Variants in NISCH observed in about 807,000 individuals in gnomAD.
NISCH encodes the protein nischarin.
Under a neutral mutation model 138.4 loss-of-function variants are expected in NISCH, and 55 were observed. The observed-to-expected ratio is 0.40, with a 90% CI of 0.32 to 0.50. The LOEUF is 0.50. Among genes scored for constraint, NISCH ranks in the 20% least tolerant of loss-of-function variants. The pLI, the probability that NISCH is intolerant of heterozygous loss-of-function variation, is 0.71. For missense variants in NISCH, 1,643 were observed against 2,005.5 expected, an observed-to-expected ratio of 0.82 and a Z score of 3.45; for synonymous variants, 860 against 861.5, an observed-to-expected ratio of 1.00 and a Z score of 0.03.
chr3:52,481,563 CTG>C (rs1177739834), intron 13 of NISCH: 2 of 985,406 alleles, frequency 2.0e-6, no homozygotes, highest in African/African-American at 1.7e-5. Flanking sequence ...TACCATATGA[CTG>C]TAGGCCTCTG....
At chr3:52,468,330 T>A (rs1298572940) in intron 3 of NISCH, among the ~76,000 whole-genome samples, 2 of 152,196 alleles carry the variant, frequency 1.3e-5, no homozygotes, top group Non-Finnish European at 2.9e-5. Context: ...TCTCCTGAGA[T>A]AACTGTAAGA....
At chr3:52,481,141 G>GTTAT in intron 13 of NISCH, 1 of 1,249,578 alleles carries the variant, frequency 8.0e-7, no homozygotes, top group Non-Finnish European at 1.0e-6. Context: ...TTCTCTTAGA[G>GTTAT]GGATAAGATA....
chr3:52,469,217 G>A (rs952401479), intron 3 of NISCH, among the ~76,000 whole-genome samples: 1 of 152,064 alleles, frequency 6.6e-6, no homozygotes, highest in Admixed American at 6.6e-5. Flanking sequence ...AGCTGTTTAC[G>A]AAAAGGCCTG....
chr3:52,475,398 TC>T, intron 7 of NISCH, among the ~76,000 whole-genome samples: 1 of 152,162 alleles, frequency 6.6e-6, no homozygotes, highest in Non-Finnish European at 1.5e-5. Context: ...TTTGTGCTAC[TC>T]CCCTTATCTT....
In NISCH at chr3:52,491,976, G is replaced by T; in HGVS notation, c.4009G>T (p.Ala1337Ser). The stretch of plus-strand genomic sequence containing the variant: ...GACGTTCACTGTGGCCCAAAAGATG[G>T]CTGAGCCAGAGAAGGCCCCAGCCCT... Reference protein sequence around the residue: ...DLTFTVAQKMAEPEKAPALSI... With the variant: ...DLTFTVAQKMSEPEKAPALSI... The change falls in exon 21 of 21, where the codon GCT becomes TCT. Residue 1337 changes from alanine (A) to serine (S), a missense_variant. By Grantham distance (99) the Ala-to-Ser change is moderately conservative (BLOSUM62 1). Coordinates refer to ENST00000345716, the MANE Select transcript of NISCH (RefSeq NM_007184.4). 6.2e-7 allele frequency: 1 copy of T among 1,613,656 alleles called. No homozygotes were observed. Among genetic ancestry groups the T allele is most frequent in the Non-Finnish European group, 8.5e-7 (1 of 1,180,030 alleles).
At chr3:52,491,821 C>T in intron 20 of NISCH, 51 bp from the exon 21 acceptor site, 1 of 1,527,294 alleles carries the variant, frequency 6.5e-7, no homozygotes, top group Non-Finnish European at 8.8e-7. Flanking sequence ...GTGCTCCCAG[C>T]CCCACCAGGG....
At position 52,492,863 on chromosome 3, in the gene NISCH, TGTTGG is replaced by T. The variant is rs1168577477; in HGVS notation, c.*382_*386del. The T allele has an allele frequency of 3.8e-5, 7 of 182,604 alleles. No homozygotes were observed. The East Asian group carries it at 1.0e-3, about 26-fold the overall frequency. The allele number at this position is 182,604 out of a possible 1,614,324, so 11.3% of individuals were successfully genotyped here. On this transcript the variant is annotated 3_prime_UTR_variant, in exon 21 of 21. Transcript: ENST00000345716. ...CTGTTGCTGTTGCTGTTGCTGTTGCTGTTGGCATCTTGCTGCTAATCCTGAGGCTG... is the reference window on the plus strand; with the variant it reads ...CTGTTGCTGTTGCTGTTGCTGTTGCTCATCTTGCTGCTAATCCTGAGGCTG...
Position 52,470,728 on chromosome 3 carries a change from C to T in NISCH, c.361-131C>T, listed in dbSNP as rs1253683690. 1.6e-5 allele frequency: 12 copies of T among 766,180 alleles called. 1 individual carries two copies. The South Asian group carries it at 1.6e-4, about 10-fold the overall frequency. The allele number at this position is 766,180 out of a possible 1,614,324, so 47.5% of individuals were successfully genotyped here. On this transcript the variant is annotated intron_variant, in intron 3 of 20. Transcript: ENST00000345716. ...CTTCTTGCTTCATTGTAGGTTTATG[C>T]CCTCCTTTCTTTAGTTTAACTTCCT...
chr3:52,466,022 CA>C (rs556330802), intron 3 of NISCH, among the ~76,000 whole-genome samples: 219 of 152,340 alleles, frequency 1.4e-3, no homozygotes, highest in African/African-American at 4.1e-3. Flanking sequence ...AATTTGGAAT[CA>C]GGGGCTATGT....
chr3:52,482,206 T>G (rs1306381566), intron 13 of NISCH, among the ~76,000 whole-genome samples: 4 of 151,904 alleles, frequency 2.6e-5, no homozygotes. Flanking sequence ...ATGGACAGGG[T>G]TTTTTAGCGC....
chr3:52,486,289 A>G (rs1559640868), intron 15 of NISCH, among the ~76,000 whole-genome samples: 2 of 151,992 alleles, frequency 1.3e-5, no homozygotes, highest in East Asian at 1.9e-4. Context: ...CTAATTTTTT[A>G]TATTTTTAGT....
At chr3:52,481,670 C>T in intron 13 of NISCH, 1 of 985,536 alleles carries the variant, frequency 1.0e-6, no homozygotes, top group South Asian at 4.7e-5. Flanking sequence ...GCAGGTAGAG[C>T]AGGAGCCAGT....
At chr3:52,480,445 G>C (rs554978466) in intron 13 of NISCH, 150 bp downstream of exon 13, 3 of 1,540,332 alleles carry the variant, frequency 1.9e-6, no homozygotes, top group Non-Finnish European at 2.6e-6. Flanking sequence ...TGGTCCTCGC[G>C]GGGGGACACA....
intron 3 of NISCH, among the ~76,000 whole-genome samples, chr3:52,464,410 C>CA (rs199845751): frequency 8.7e-4 from 128 of 147,574 alleles, no homozygotes; most frequent in East Asian, 7.4e-3. Flanking sequence ...ACAAAAAAAA[C>CA]AAAAAAAACA....
At chr3:52,478,043 T>A in intron 9 of NISCH, 54 bp from the exon 10 acceptor site, 1 of 1,585,478 alleles carries the variant, frequency 6.3e-7, no homozygotes, top group Non-Finnish European at 8.6e-7. Flanking sequence ...GTCAGGCCCC[T>A]ATCTTTGGAG....
chr3:52,485,995 C>G (rs1187970244), intron 15 of NISCH, among the ~76,000 whole-genome samples, 168 bp downstream of exon 15: 1 of 152,222 alleles, frequency 6.6e-6, no homozygotes, highest in Non-Finnish European at 1.5e-5. Context: ...ACTTTTCAAT[C>G]TGTTTCCAAA....
At chr3:52,485,677 G>A (rs1341121579) in intron 14 of NISCH, 101 bp from the exon 15 acceptor site, 21 of 1,299,034 alleles carry the variant, frequency 1.6e-5, no homozygotes, top group East Asian at 2.5e-5. Context: ...TCCTCAGGGC[G>A]GTGATGGAGG....
intron 4 of NISCH, chr3:52,471,550 C>T (rs544311811): frequency 2.5e-5 from 14 of 558,164 alleles, no homozygotes; most frequent in South Asian, 6.3e-5. Context: ...CCTTTGGTCT[C>T]GACTCGGCCT....
chr3:52,487,634 C>T lies in NISCH; in HGVS notation c.2142C>T (p.Phe714=), dbSNP rs1475797027. 2 of 1,613,888 alleles carry T rather than the reference C, an allele frequency of 1.2e-6. No individual in the cohort carries two copies. Among genetic ancestry groups the T allele is most frequent in the Non-Finnish European group, 1.7e-6 (2 of 1,180,020 alleles). ...GCATCCTCAAGGTGCTGTGGTGCTT[C>T]CTGATCCATGTGCAGGGCAGTATCC... ...HIRILKVLWC[F]LIHVQGSIRQ... The change falls in exon 16 of 21, where the codon TTC becomes TTT. Residue 714 remains phenylalanine (F), a synonymous_variant. Transcript: ENST00000345716. The surrounding 1 kb of genome is among the most constrained non-coding windows in gnomAD (Gnocchi z 9.1).
Sources: gnomAD v4.1 joint callset for allele counts (sites outside exome capture counted in the v4.1 genomes callset) on GRCh38, gnomAD v4.1.1 for gene constraint, Gnocchi (gnomAD v3.1) non-coding constraint, MANE v1.5 for transcripts, NCBI Gene and HGNC (gene_info 2026-07-23, HGNC 2026-07-21) for gene names.